BUB1B: variants seen among roughly 807,000 people sequenced by gnomAD.
BUB1B encodes BUB1 mitotic checkpoint serine/threonine kinase B.
A neutral mutation model predicts 137.7 loss-of-function variants in BUB1B; 86 were observed. The observed-to-expected ratio is 0.62, with a 90% CI of 0.52 to 0.75. The LOEUF is 0.75. BUB1B is among the 30% of genes least tolerant of loss of function. The pLI is 0.00. For missense variants in BUB1B, 1,130 were observed against 1,236.9 expected (o/e 0.91, Z 1.30); for synonymous variants, 420 against 417.9 (o/e 1.00, Z -0.06).
At chr15:40,179,011 A>T (rs570465994) in intron 5 of BUB1B, among the ~76,000 whole-genome samples, 16 of 152,124 alleles carry the variant, frequency 1.1e-4, no homozygotes, top group African/African-American at 3.9e-4. Flanking sequence ...GTCACTCTCC[A>T]TTCCTACTTA....
chr15:40,210,512 T>C (rs2037697391), intron 18 of BUB1B, among the ~76,000 whole-genome samples: 1 of 152,170 alleles, frequency 6.6e-6, no homozygotes, highest in Non-Finnish European at 1.5e-5. Flanking sequence ...ACCTAGTTTC[T>C]TTTTATCTTT....
chr15:40,198,827 A>G (rs879321868), intron 9 of BUB1B, among the ~76,000 whole-genome samples: 2 of 152,146 alleles, frequency 1.3e-5, no homozygotes, highest in Admixed American at 1.3e-4. Context: ...GCATGGTAGC[A>G]TGTGCCTGTA....
intron 22 of BUB1B, 89 bp from the exon 23 acceptor site, chr15:40,220,475 G>T: frequency 7.5e-7 from 1 of 1,325,696 alleles, no homozygotes; most frequent in South Asian, 1.2e-5. Context: ...ACACCATTTT[G>T]GTGCATAAAT....
At chr15:40,189,985 A>G (rs1223854040) in intron 8 of BUB1B, among the ~76,000 whole-genome samples, 1 of 152,150 alleles carries the variant, frequency 6.6e-6, no homozygotes, top group East Asian at 1.9e-4. Context: ...TCATAGGTTT[A>G]TTGGCCTTTT....
At chr15:40,180,383 G>A (rs1178777021) in intron 5 of BUB1B, among the ~76,000 whole-genome samples, 2 of 149,644 alleles carry the variant, frequency 1.3e-5, no homozygotes, top group Admixed American at 6.7e-5. Context: ...TCAGCCTCCC[G>A]AGTAGCTGAG....
At chr15:40,188,849 G>A (rs550758067) in intron 8 of BUB1B, among the ~76,000 whole-genome samples, 6 of 152,102 alleles carry the variant, frequency 3.9e-5, no homozygotes, top group South Asian at 4.2e-4. Flanking sequence ...CCAAAGTGCC[G>A]GGATTACAGG....
intron 8 of BUB1B, among the ~76,000 whole-genome samples, chr15:40,187,696 C>T (rs1331377553): frequency 6.6e-6 from 1 of 151,944 alleles, no homozygotes; most frequent in Non-Finnish European, 1.5e-5. Context: ...ATCGCTTGAG[C>T]CCAGGAGTTC....
At chr15:40,171,016 G>T (rs1418664147) in intron 4 of BUB1B, among the ~76,000 whole-genome samples, 1 of 152,122 alleles carries the variant, frequency 6.6e-6, no homozygotes, top group East Asian at 1.9e-4. Flanking sequence ...GCTCACTGCA[G>T]TCTAAACCTC....
In BUB1B at chr15:40,213,431, G is replaced by GT. The variant is rs2140908210; in HGVS notation, c.2636dup (p.His880ProfsTer3). On this transcript the variant is annotated frameshift_variant, in exon 20 of 23. Coordinates refer to ENST00000287598, the MANE Select transcript of BUB1B (RefSeq NM_001211.6). LOFTEE classifies it high-confidence loss of function. ...GGAGATGCTACACAAAGCAGAAATA[G>GT]TCCATGGTGACTTGAGTCCAAGGTG... The GT allele has an allele frequency of 6.2e-7, 1 of 1,614,196 alleles. No individual in the cohort carries two copies. Among genetic ancestry groups the GT allele is most frequent in the Non-Finnish European group, 8.5e-7 (1 of 1,180,018 alleles).
chr15:40,186,835 A>G (rs2037371403), intron 8 of BUB1B: 1 of 152,116 alleles, frequency 6.6e-6, no homozygotes, highest in South Asian at 2.1e-4. Flanking sequence ...GAATGCAAAA[A>G]TAATAATTAA....
intron 8 of BUB1B, among the ~76,000 whole-genome samples, chr15:40,196,221 A>AGCACC (rs751616164): frequency 1.1e-4 from 16 of 152,188 alleles, no homozygotes; most frequent in Admixed American, 2.0e-4. Flanking sequence ...CAATTATCCC[A>AGCACC]GCACCATTTG....
intron 20 of BUB1B, among the ~76,000 whole-genome samples, chr15:40,214,545 G>T (rs1011984717): frequency 6.6e-6 from 1 of 152,166 alleles, no homozygotes; most frequent in Non-Finnish European, 1.5e-5. Flanking sequence ...TACACTAATA[G>T]CTGGACTTAC....
At position 40,165,176 on chromosome 15, in the gene BUB1B, T is replaced by C. The variant is rs752026018; in HGVS notation, c.159T>C (p.Asn53=). The stretch of plus-strand genomic sequence containing the variant: ...TGGCACAAGAATCTGCCTGTAACAA[T>C]ACTCTTCAGCAGCAGAAACGGTGTG... ...GALAQESACN[N]TLQQQKRAFE... Residue 53 remains asparagine, a synonymous_variant, in exon 2 of 23, where the codon AAT becomes AAC. Coordinates refer to ENST00000287598, the MANE Select transcript of BUB1B (RefSeq NM_001211.6). 5.6e-6 allele frequency: 9 copies of C among 1,614,060 alleles called. No homozygotes were observed. The Admixed American group carries it at 1.5e-4, about 27-fold the overall frequency.
intron 4 of BUB1B, among the ~76,000 whole-genome samples, chr15:40,176,136 A>G (rs2037220687): frequency 6.6e-6 from 1 of 152,086 alleles, no homozygotes; most frequent in African/African-American, 2.4e-5. Flanking sequence ...TTTGTTGTAG[A>G]GACAGGGTCT....
chr15:40,168,258 T>C (rs553862916), intron 2 of BUB1B, among the ~76,000 whole-genome samples: 2 of 152,064 alleles, frequency 1.3e-5, no homozygotes, highest in South Asian at 4.1e-4. Flanking sequence ...TCCCAGCTAC[T>C]CGGGAGGCTG....
chr15:40,165,076 A>T lies in BUB1B; in HGVS notation c.59A>T (p.Asp20Val), dbSNP rs2037079879. The T allele has an allele frequency of 6.2e-7, 1 of 1,613,954 alleles. No homozygotes were observed. The highest frequency in any genetic ancestry group is 1.3e-5 in the African/African-American group (1 of 74,854). Residue 20 changes from aspartate (D) to valine (V), a missense_variant, in exon 2 of 23, where the codon GAT becomes GTT. By Grantham distance (152) the Asp-to-Val change is radical. Coordinates refer to ENST00000287598, the MANE Select transcript of BUB1B (RefSeq NM_001211.6). Reference sequence around the variant, plus strand: ...AGTGAAGCCATGTCCCTGGAGGGAGATGAATGGGAACTGAGTAAAGAAAAT... The same window carrying T: ...AGTGAAGCCATGTCCCTGGAGGGAGTTGAATGGGAACTGAGTAAAGAAAAT... ...ALSEAMSLEG[D>V]EWELSKENVQ...
chr15:40,171,648 A>G (rs1224742759), intron 4 of BUB1B, among the ~76,000 whole-genome samples: 1 of 152,226 alleles, frequency 6.6e-6, no homozygotes, highest in Non-Finnish European at 1.5e-5. Flanking sequence ...TGTTTGGGGA[A>G]AAACTTCCCT....
intron 9 of BUB1B, 119 bp downstream of exon 9, chr15:40,196,893 G>A (rs148237426): frequency 3.3e-6 from 3 of 901,254 alleles, no homozygotes; most frequent in East Asian, 2.6e-5. Flanking sequence ...TGTTTCTATG[G>A]TAGTACTGTT....
At chr15:40,162,971 GA>G (rs369233084) in intron 1 of BUB1B, among the ~76,000 whole-genome samples, 13 of 152,098 alleles carry the variant, frequency 8.5e-5, no homozygotes, top group African/African-American at 3.1e-4. Flanking sequence ...ATGTTGATGA[GA>G]AAAAAAATCA....
Sources: gnomAD v4.1 joint callset for allele counts (sites outside exome capture counted in the v4.1 genomes callset) on GRCh38, gnomAD v4.1.1 for gene constraint, MANE v1.5 for transcripts, NCBI Gene and HGNC (gene_info 2026-07-23, HGNC 2026-07-21) for gene names.